Variants in ZNF92 observed in about 807,000 individuals in gnomAD.
The protein encoded by ZNF92 is zinc finger protein 92.
ZNF92 carries 11 observed loss-of-function variants against 12.4 expected under a neutral mutation model. The observed-to-expected ratio is 0.89, with a 90% confidence interval of 0.56 to 1.47. ZNF92 has a LOEUF of 1.47. ZNF92 is among the 40% of genes most tolerant of loss of function. The pLI is 0.00. For missense variants in ZNF92, 622 were observed against 681.0 expected (o/e 0.91, Z 0.96); for synonymous variants, 206 against 228.6 (o/e 0.90, Z 0.89).
chr7:65,385,073 T>C (rs1793525931), intron 1 of ZNF92, among the ~76,000 whole-genome samples: 1 of 152,174 alleles, frequency 6.6e-6, no homozygotes, highest in Non-Finnish European at 1.5e-5. Flanking sequence ...ACAAGAGTGC[T>C]GAGTGTAAGG....
intron 1 of ZNF92, among the ~76,000 whole-genome samples, chr7:65,387,172 C>T (rs1040644094): frequency 6.6e-6 from 1 of 151,768 alleles, no homozygotes; most frequent in Non-Finnish European, 1.5e-5. Context: ...GAACTCCTGA[C>T]CTCAGGTGAT....
rs954625438 is a variant in ZNF92, at chr7:65,397,302, C to G, written c.227-1039C>G. On this transcript the variant is annotated intron_variant, in intron 3 of 3. Coordinates refer to ENST00000328747, the MANE Select transcript of ZNF92 (RefSeq NM_152626.4). The stretch of plus-strand genomic sequence containing the variant: ...TTGTTATAAGTATCTTTTTGTGTAT[C>G]CTAGTTTGTCTAGCTTCTTCATGTT... 5.1e-4 allele frequency among the ~76,000 whole-genome samples: 76 copies of G among 150,154 alleles called. 1 individual carries two copies. Among genetic ancestry groups the G allele is most frequent in the African/African-American group, 1.7e-3 (70 of 40,508 alleles).
chr7:65,383,109 A>G (rs1039114071), intron 1 of ZNF92, among the ~76,000 whole-genome samples: 6 of 152,084 alleles, frequency 3.9e-5, no homozygotes, highest in Admixed American at 3.3e-4. Context: ...CCCACTCTCT[A>G]TCTCTTTTTG....
intron 1 of ZNF92, among the ~76,000 whole-genome samples, chr7:65,386,811 C>T (rs1356568183): frequency 6.6e-6 from 1 of 151,968 alleles, no homozygotes; most frequent in Non-Finnish European, 1.5e-5. Context: ...TTCATCAGCA[C>T]ATTATAAAAA....
chr7:65,394,417 T>G (rs1188530645), intron 3 of ZNF92, among the ~76,000 whole-genome samples: 1 of 152,120 alleles, frequency 6.6e-6, no homozygotes, highest in African/African-American at 2.4e-5. Flanking sequence ...TTATCTGTCT[T>G]TGTGTCAGTA....
At chr7:65,375,623 C>T (rs762937572) in intron 1 of ZNF92, among the ~76,000 whole-genome samples, 1 of 151,620 alleles carries the variant, frequency 6.6e-6, no homozygotes, top group Non-Finnish European at 1.5e-5. Context: ...CCAAAAGATA[C>T]AACAAAACCT....
At chr7:65,375,752 G>A (rs1793221025) in intron 1 of ZNF92, among the ~76,000 whole-genome samples, 1 of 151,784 alleles carries the variant, frequency 6.6e-6, no homozygotes, top group South Asian at 2.1e-4. Context: ...GGAGGCTGAG[G>A]CAGGGGAATC....
chr7:65,385,601 T>A (rs1195633465), intron 1 of ZNF92, among the ~76,000 whole-genome samples: 6 of 152,086 alleles, frequency 3.9e-5, no homozygotes, highest in African/African-American at 1.4e-4. Context: ...AGAGGGCATC[T>A]GAGGACGGGA....
intron 1 of ZNF92, among the ~76,000 whole-genome samples, chr7:65,377,335 C>G (rs1189383381): frequency 6.6e-6 from 1 of 152,002 alleles, no homozygotes; most frequent in Non-Finnish European, 1.5e-5. Flanking sequence ...GGAGCCTCCC[C>G]TGAAGATGTC....
At chr7:65,387,692 AT>A (rs1260499539) in intron 1 of ZNF92, among the ~76,000 whole-genome samples, 1 of 152,154 alleles carries the variant, frequency 6.6e-6, no homozygotes, top group Non-Finnish European at 1.5e-5. Context: ...GGTGTTATGG[AT>A]CTTATGTCAT....
chr7:65,382,903 T>TA (rs1420428988), intron 1 of ZNF92, among the ~76,000 whole-genome samples: 1 of 152,100 alleles, frequency 6.6e-6, no homozygotes, highest in Non-Finnish European at 1.5e-5. Flanking sequence ...ACCACAATTG[T>TA]GTCTTTCTCT....
At position 65,399,617 on chromosome 7, in the gene ZNF92, A is replaced by G. The variant is rs2116417302; in HGVS notation, c.1503A>G (p.Ile501Met). 1 of 1,613,838 alleles carries G rather than the reference A, an allele frequency of 6.2e-7. No homozygotes were observed. Among genetic ancestry groups the G allele is most frequent in the Non-Finnish European group, 8.5e-7 (1 of 1,179,822 alleles). Residue 501 changes from isoleucine (I) to methionine (M), a missense_variant, in exon 4 of 4, where the codon ATA becomes ATG. By Grantham distance (10) the Ile-to-Met change is conservative. Transcript: ENST00000328747. ...CCTCAATTTTTACTAAACATAAGAT[A>G]ATTCACACTGAAGGGAAATCCTACA... ...NQSSIFTKHK[I>M]IHTEGKSYKC...
chr7:65,379,639 C>G (rs1391595862), intron 1 of ZNF92, among the ~76,000 whole-genome samples: 2 of 152,124 alleles, frequency 1.3e-5, no homozygotes, highest in Non-Finnish European at 2.9e-5. Context: ...CATTTTTGAA[C>G]CTGTTTCTTG....
At chr7:65,374,124 C>G (rs891769547) in intron 1 of ZNF92, 124 bp downstream of exon 1, 1 of 1,345,054 alleles carries the variant, frequency 7.4e-7, no homozygotes, top group Non-Finnish European at 1.0e-6. Context: ...CCGAGTTCTC[C>G]TTGGCGCAGC....
At chr7:65,378,033 T>C (rs1793295127) in intron 1 of ZNF92, among the ~76,000 whole-genome samples, 1 of 152,024 alleles carries the variant, frequency 6.6e-6, no homozygotes, top group Non-Finnish European at 1.5e-5. Context: ...AGAAAGAAGG[T>C]AGGCGGGGAA....
intron 1 of ZNF92, among the ~76,000 whole-genome samples, chr7:65,380,507 C>T (rs527780901): frequency 1.3e-5 from 2 of 152,142 alleles, no homozygotes; most frequent in South Asian, 4.2e-4. Flanking sequence ...CCTGAGCTCA[C>T]GCAATCCACC....
chr7:65,387,812 C>T, intron 1 of ZNF92, 90 bp from the exon 2 acceptor site: 1 of 1,424,466 alleles, frequency 7.0e-7, no homozygotes, highest in Non-Finnish European at 9.3e-7. Context: ...TCTCTTTACT[C>T]TTTCATTTCA....
intron 3 of ZNF92, among the ~76,000 whole-genome samples, chr7:65,395,780 G>C (rs929241215): frequency 6.6e-6 from 1 of 152,094 alleles, no homozygotes; most frequent in Non-Finnish European, 1.5e-5. Context: ...ATATATGTCT[G>C]ATATAATTAT....
At chr7:65,383,610 A>G (rs1345399244) in intron 1 of ZNF92, among the ~76,000 whole-genome samples, 1 of 152,124 alleles carries the variant, frequency 6.6e-6, no homozygotes, top group African/African-American at 2.4e-5. Flanking sequence ...CTGTAAATGT[A>G]AACAAAGCAT....
Sources: allele counts gnomAD v4.1 joint callset (sites outside exome capture counted in the v4.1 genomes callset), GRCh38; gene constraint gnomAD v4.1.1; transcripts MANE v1.5; gene names NCBI Gene and HGNC (gene_info 2026-07-23, HGNC 2026-07-21).